Variants in COL4A3 observed in about 807,000 individuals in gnomAD.
COL4A3 encodes the protein collagen type IV alpha 3 chain, also known as collagen alpha-3(IV) chain.
A neutral mutation model predicts 217.4 loss-of-function variants in COL4A3; 135 were observed. That is an observed-to-expected ratio of 0.62 (90% CI 0.54 to 0.72). The LOEUF (loss-of-function observed/expected upper bound fraction) is 0.72, where lower values mean the gene tolerates loss of function less well. Ranked by LOEUF, COL4A3 falls within the 30% of genes least tolerant of loss-of-function variation. The pLI, the probability that COL4A3 is intolerant of heterozygous loss-of-function variation, is 0.00. For synonymous variants in COL4A3, 690 were observed against 736.3 expected (o/e 0.94, Z 1.02); for missense variants, 1,868 against 2,119.9 (o/e 0.88, Z 2.33).
intron 41 of COL4A3, among the ~76,000 whole-genome samples, chr2:227,295,900 A>C (rs1046069708): frequency 4.6e-5 from 7 of 152,356 alleles, no homozygotes; most frequent in African/African-American, 1.7e-4. Flanking sequence ...TTTACAAGAT[A>C]AACAGCTTCT....
Position 227,294,495 on chromosome 2 carries a change from C to A in COL4A3, c.3343C>A (p.Pro1115Thr). 6.2e-7 allele frequency: 1 copy of A among 1,609,708 alleles called. No homozygotes were observed. The highest frequency in any genetic ancestry group is 8.5e-7 in the Non-Finnish European group (1 of 1,175,972). ...TCCCCTCTCTTCATTTCCAGGAAAG[C>A]CAGGTCCTCATGGTGATTTGGGTTT... ...SPGSPGLPGK[P>T]GPHGDLGFKG... Residue 1115 changes from proline (P) to threonine (T), a missense_variant, in exon 39 of 52, where the codon CCA becomes ACA. By Grantham distance (38) the Pro-to-Thr change is conservative (BLOSUM62 -1). Around this residue, in one of 2 missense-constraint regions of COL4A3, gnomAD observed 1,503 missense variants for 1,786.1 expected, o/e 0.84. Transcript: ENST00000396578.
At chr2:227,198,368 G>T (rs931589519) in intron 1 of COL4A3, among the ~76,000 whole-genome samples, 5 of 152,116 alleles carry the variant, frequency 3.3e-5, no homozygotes, top group African/African-American at 7.2e-5. Context: ...TTTCCAAATT[G>T]TAGCAATACT....
In COL4A3 at chr2:227,236,663, A is replaced by ATTTT. The variant is rs375943584; in HGVS notation, c.88-1302_88-1299dup. Among the ~76,000 whole-genome samples the ATTTT allele has an allele frequency of 1.6e-3, 235 of 144,690 alleles. 6 individuals are homozygous for ATTTT. The highest frequency in any genetic ancestry group is 3.6e-3 in the East Asian group (18 of 5,002). 94.9% of individuals were successfully genotyped at this position (144,690 alleles called of 152,430 possible). ...ATATGCAGCATATATGTCAAAACAC[A>ATTTT]TTTTTTCTTTTTTTGAGACAGAGTC... On this transcript the variant is annotated intron_variant, in intron 1 of 51. Coordinates refer to ENST00000396578, the MANE Select transcript of COL4A3 (RefSeq NM_000091.5).
chr2:227,281,044 A>G, intron 31 of COL4A3, 38 bp downstream of exon 31: 1 of 1,259,164 alleles, frequency 7.9e-7, no homozygotes, highest in South Asian at 1.3e-5. Context: ...CCAGAAGGGC[A>G]GGAGACATGA....
At chr2:227,187,473 A>G (rs1159078197) in intron 1 of COL4A3, among the ~76,000 whole-genome samples, 1 of 152,174 alleles carries the variant, frequency 6.6e-6, no homozygotes, top group African/African-American at 2.4e-5. Flanking sequence ...GTGTGCACAT[A>G]TATAACTAGA....
intron 44 of COL4A3, 79 bp from the exon 45 acceptor site, chr2:227,303,780 T>C: frequency 7.4e-7 from 1 of 1,356,048 alleles, no homozygotes; most frequent in Admixed American, 1.7e-5. Context: ...TATTTGTCCT[T>C]AGAGTCAATC....
chr2:227,246,645 G>A (rs1251727981), intron 6 of COL4A3, 40 bp from the exon 7 acceptor site: 1 of 1,533,198 alleles, frequency 6.5e-7, no homozygotes, highest in East Asian at 2.3e-5. Context: ...GGCTCTTCTA[G>A]AACAACTAAG....
In COL4A3 at chr2:227,247,593, T is replaced by C. The variant is rs754471166; in HGVS notation, c.468+9T>C. 67 of 1,613,866 alleles carry C rather than the reference T, an allele frequency of 4.2e-5. No homozygotes were observed. Among genetic ancestry groups the C allele is most frequent in the Middle Eastern group, 1.6e-4 (1 of 6,084 alleles). On this transcript the variant is annotated intron_variant, in intron 8 of 51. Coordinates refer to ENST00000396578, the MANE Select transcript of COL4A3 (RefSeq NM_000091.5). ...GTTTGAAAGGACAAAAGGTAAGTCA[T>C]TGGTGGAATGCTGTCACTGAAAATC...
At chr2:227,232,262 C>A (rs1444749156) in intron 1 of COL4A3, among the ~76,000 whole-genome samples, 1 of 152,204 alleles carries the variant, frequency 6.6e-6, no homozygotes, top group Non-Finnish European at 1.5e-5. Context: ...ACTCTGGTTT[C>A]TCTTCAGATT....
chr2:227,184,814 A>G (rs2065966470), intron 1 of COL4A3, among the ~76,000 whole-genome samples: 2 of 142,654 alleles, frequency 1.4e-5, no homozygotes, highest in Non-Finnish European at 3.0e-5. Flanking sequence ...TTTTTTCATT[A>G]TGCGCATTTT....
chr2:227,187,538 T>C (rs1052053694), intron 1 of COL4A3, among the ~76,000 whole-genome samples: 1 of 152,196 alleles, frequency 6.6e-6, no homozygotes, highest in African/African-American at 2.4e-5. Flanking sequence ...AATTGAGTTT[T>C]CTGTAAGTAT....
At chr2:227,308,568 T>C (rs1251934555) in intron 48 of COL4A3, among the ~76,000 whole-genome samples, 2 of 152,240 alleles carry the variant, frequency 1.3e-5, no homozygotes, top group African/African-American at 4.8e-5. Context: ...CTTTATTTGG[T>C]TATTAGCTAT....
chr2:227,206,166 C>T (rs1342417530), intron 1 of COL4A3, among the ~76,000 whole-genome samples: 1 of 152,014 alleles, frequency 6.6e-6, no homozygotes, highest in African/African-American at 2.4e-5. Context: ...CTCCACCAAG[C>T]AGGTTCAAGC....
At position 227,283,813 on chromosome 2, in the gene COL4A3, C is replaced by T. The variant is rs1354980711; in HGVS notation, c.2703C>T (p.Gly901=). 6.2e-6 allele frequency: 10 copies of T among 1,614,172 alleles called. 1 individual carries two copies. The highest frequency in any genetic ancestry group is 7.6e-6 in the Non-Finnish European group (9 of 1,180,012). The stretch of plus-strand genomic sequence containing the variant: ...TGATGGGCTTTCCTGGAGCCATTGG[C>T]CCTCCAGGGCCCCCTGGGAACCCAG... ...IGMMGFPGAI[G]PPGPPGNPGT... Residue 901 remains glycine, a synonymous_variant, in exon 33 of 52, where the codon GGC becomes GGT. Coordinates refer to ENST00000396578, the MANE Select transcript of COL4A3 (RefSeq NM_000091.5).
In COL4A3 at chr2:227,264,189, G is replaced by C. The variant is rs189666577; in HGVS notation, c.1315+245G>C. ...GCAGAGTAGGAGGCAGGGACAAAGA[G>C]AGTGATGTGGGGAAGGATGGGTGGC... On this transcript the variant is annotated intron_variant, in intron 21 of 51. Transcript: ENST00000396578. Among the ~76,000 whole-genome samples, 5 of 152,368 alleles carry C rather than the reference G, an allele frequency of 3.3e-5. No individual in the cohort carries two copies. The East Asian group carries it at 9.6e-4, about 29-fold the overall frequency.
chr2:227,293,597 G>A (rs2072881103), intron 38 of COL4A3: 14 of 491,206 alleles, frequency 2.9e-5, no homozygotes, highest in South Asian at 2.2e-4. Flanking sequence ...AATGTTAGCC[G>A]TTATACAATC....
At chr2:227,214,456 T>C (rs2067450708) in intron 1 of COL4A3, among the ~76,000 whole-genome samples, 1 of 152,248 alleles carries the variant, frequency 6.6e-6, no homozygotes, top group African/African-American at 2.4e-5. Context: ...GTTGTTTGTA[T>C]CTTAAACATC....
intron 1 of COL4A3, among the ~76,000 whole-genome samples, chr2:227,214,552 G>T (rs1239138075): frequency 6.6e-6 from 1 of 152,184 alleles, no homozygotes; most frequent in African/African-American, 2.4e-5. Context: ...TATAGAGTGT[G>T]CCCACAGTTG....
chr2:227,252,190 C>A (rs1174026943), intron 11 of COL4A3, among the ~76,000 whole-genome samples: 2 of 148,900 alleles, frequency 1.3e-5, no homozygotes, highest in African/African-American at 4.9e-5. Flanking sequence ...TATCAGGTAG[C>A]CTTTTATTTT....
Sources: gnomAD v4.1 joint callset for allele counts (sites outside exome capture counted in the v4.1 genomes callset) on GRCh38, gnomAD v4.1.1 for gene constraint, gnomAD v4.1.1 regional missense constraint, MANE v1.5 for transcripts, NCBI Gene and HGNC (gene_info 2026-07-23, HGNC 2026-07-21) for gene names.